Variants in UPP2 observed in about 807,000 individuals in gnomAD.
UPP2 encodes the protein UPase 2.
Under a neutral mutation model 26.7 loss-of-function variants are expected in UPP2, and 23 were observed. The observed-to-expected ratio is 0.86, with a 90% CI of 0.62 to 1.22. UPP2 has a LOEUF of 1.22. UPP2 is among the 50% of genes most tolerant of loss of function. The pLI is 0.00. For synonymous variants in UPP2, 127 were observed against 141.3 expected, an observed-to-expected ratio of 0.90 and a Z score of 0.72; for missense variants, 387 against 396.7, an observed-to-expected ratio of 0.98 and a Z score of 0.21.
intron 2 of UPP2, among the ~76,000 whole-genome samples, chr2:158,110,263 T>G (rs1683288661): frequency 1.3e-5 from 2 of 152,210 alleles, no homozygotes; most frequent in Non-Finnish European, 2.9e-5. Flanking sequence ...TGTTTAGTTT[T>G]TTGTCCTTGT....
chr2:158,090,031 A>G (rs1682881811), intron 3 of UPP2, among the ~76,000 whole-genome samples: 2 of 152,056 alleles, frequency 1.3e-5, no homozygotes, highest in African/African-American at 4.8e-5. Context: ...ATTTTCCCCA[A>G]GATCTAGTAT....
In UPP2 at chr2:158,134,729, G is replaced by T; in HGVS notation, c.812-19G>T. 1 of 1,590,526 alleles carries T rather than the reference G, an allele frequency of 6.3e-7. No individual in the cohort carries two copies. The highest frequency in any genetic ancestry group is 2.3e-5 in the East Asian group (1 of 43,350). ...GATGAACCCATTCATTCCATCAGTT[G>T]TGCTAATTGCTCTTCTAGCTGCTGT... On this transcript the variant is annotated intron_variant, in intron 6 of 6. Coordinates refer to ENST00000005756, the MANE Select transcript of UPP2 (RefSeq NM_173355.4).
chr2:158,110,496 T>G (rs1474135232), intron 2 of UPP2, among the ~76,000 whole-genome samples: 3 of 152,192 alleles, frequency 2.0e-5, no homozygotes, highest in Admixed American at 2.0e-4. Flanking sequence ...TATAATCCTT[T>G]GAGTATATAG....
chr2:158,039,664 T>G (rs1038067375), intron 3 of UPP2, among the ~76,000 whole-genome samples: 1 of 152,210 alleles, frequency 6.6e-6, no homozygotes, highest in Non-Finnish European at 1.5e-5. Flanking sequence ...ACTAATAGCA[T>G]GGGAATCACC....
chr2:158,103,625 T>A (rs904091247), intron 1 of UPP2, among the ~76,000 whole-genome samples: 4 of 152,190 alleles, frequency 2.6e-5, no homozygotes, highest in African/African-American at 2.4e-5. Flanking sequence ...GTGAAAGTAG[T>A]CTTGGCAGAG....
intron 3 of UPP2, among the ~76,000 whole-genome samples, chr2:158,017,107 A>T (rs896493676): frequency 2.0e-5 from 3 of 152,160 alleles, no homozygotes; most frequent in Non-Finnish European, 4.4e-5. Context: ...TGAGGTATTT[A>T]AAAAAACATA....
chr2:158,035,491 C>T (rs1683987543), intron 3 of UPP2, among the ~76,000 whole-genome samples: 1 of 152,080 alleles, frequency 6.6e-6, no homozygotes, highest in Non-Finnish European at 1.5e-5. Flanking sequence ...GATAGTCTGT[C>T]ATTGATCAGC....
At chr2:158,049,283 T>C (rs897997864) in intron 3 of UPP2, among the ~76,000 whole-genome samples, 12 of 152,148 alleles carry the variant, frequency 7.9e-5, no homozygotes, top group African/African-American at 2.9e-4. Context: ...CTGTGACAGA[T>C]GGAGAGAGAT....
chr2:158,074,744 G>C (rs1350240692), intron 3 of UPP2, among the ~76,000 whole-genome samples: 13 of 117,282 alleles, frequency 1.1e-4, no homozygotes, highest in African/African-American at 4.3e-4. Flanking sequence ...TAACAAAGAG[G>C]CAGTAGTAAG....
rs1683976512 is a variant in UPP2, at chr2:158,034,883, CT to C, written c.147+19001del. Among the ~76,000 whole-genome samples, 4 of 152,232 alleles carry C rather than the reference CT, an allele frequency of 2.6e-5. No individual in the cohort carries two copies. The South Asian group carries it at 8.3e-4, about 32-fold the overall frequency. ...CACTGTCAGTCCAGCCTGGAGAACTCTTTTCTGAATTAAGTTGGCCCTCCTC... is the reference window on the plus strand; with the variant it reads ...CACTGTCAGTCCAGCCTGGAGAACTCTTTCTGAATTAAGTTGGCCCTCCTC... On this transcript the variant is annotated intron_variant, in intron 3 of 9. Coordinates refer to the UPP2 transcript ENST00000605860.
intron 1 of UPP2, among the ~76,000 whole-genome samples, chr2:158,102,329 G>A (rs374475829): frequency 6.8e-4 from 103 of 152,246 alleles, no homozygotes; most frequent in African/African-American, 2.4e-3. Flanking sequence ...TTGGGGGTTA[G>A]GGTTTGGCTC....
chr2:158,026,606 C>T (rs1410752923), intron 3 of UPP2, among the ~76,000 whole-genome samples: 2 of 152,130 alleles, frequency 1.3e-5, no homozygotes, highest in Admixed American at 6.5e-5. Context: ...GACTCTTTTT[C>T]CATGACATTA....
chr2:158,109,480 C>T (rs1337446559), intron 2 of UPP2, among the ~76,000 whole-genome samples: 1 of 152,200 alleles, frequency 6.6e-6, no homozygotes, highest in East Asian at 1.9e-4. Context: ...ATAATTGTTA[C>T]TGTTTCCTTC....
chr2:158,065,760 G>A (rs1682424673), intron 3 of UPP2: 2 of 686,948 alleles, frequency 2.9e-6, no homozygotes, highest in African/African-American at 3.6e-5. Flanking sequence ...GCCTTTTGAT[G>A]ATGGTGCACC....
At chr2:158,067,331 G>A (rs1682452441) in intron 3 of UPP2, among the ~76,000 whole-genome samples, 1 of 147,192 alleles carries the variant, frequency 6.8e-6, no homozygotes, top group Non-Finnish European at 1.5e-5. Context: ...TAGTGTGAGA[G>A]CTTAAACATC....
upstream of UPP2, among the ~76,000 whole-genome samples, chr2:158,100,275 C>G (rs1434378490): frequency 1.3e-5 from 2 of 152,168 alleles, no homozygotes; most frequent in Non-Finnish European, 2.9e-5. Context: ...GTCCATAAAT[C>G]TTAGATGGCA....
chr2:158,024,790 T>G (rs1217455246), intron 3 of UPP2, among the ~76,000 whole-genome samples: 1 of 152,142 alleles, frequency 6.6e-6, no homozygotes, highest in African/African-American at 2.4e-5. Flanking sequence ...AAGGGAGTGT[T>G]TTTTAAAGCA....
chr2:158,002,041 G>A (rs1371728168), intron 2 of UPP2, among the ~76,000 whole-genome samples: 2 of 150,958 alleles, frequency 1.3e-5, no homozygotes, highest in South Asian at 2.1e-4. Flanking sequence ...AGGAGGCTAC[G>A]GGGGCGGGGG....
At chr2:158,088,006 G>A (rs890242300) in intron 3 of UPP2, among the ~76,000 whole-genome samples, 1 of 152,130 alleles carries the variant, frequency 6.6e-6, no homozygotes, top group Non-Finnish European at 1.5e-5. Flanking sequence ...GTTCTTTGAG[G>A]TTCTTGTTTT....
Sources: gnomAD v4.1 joint callset for allele counts (sites outside exome capture counted in the v4.1 genomes callset) on GRCh38, gnomAD v4.1.1 for gene constraint, MANE v1.5 for transcripts, NCBI Gene and HGNC (gene_info 2026-07-23, HGNC 2026-07-21) for gene names.